The following SOX6 variants were observed in gnomAD, a reference collection of about 807,000 sequenced individuals.
The protein encoded by SOX6 is SRY-box transcription factor 6, also known as transcription factor SOX-6.
In SOX6, 11 loss-of-function variants were observed where a neutral mutation model predicts 97.8. The ratio of observed to expected loss-of-function variants is 0.11; its 90% CI spans 0.07 to 0.19. SOX6 has a LOEUF of 0.19. SOX6 is among the 10% of genes least tolerant of loss of function. SOX6 has a pLI of 1.00. For missense variants in SOX6, 810 were observed against 1,039.5 expected, an observed-to-expected ratio of 0.78 and a Z score of 3.04; for synonymous variants, 360 against 371.4, an observed-to-expected ratio of 0.97 and a Z score of 0.35.
intron 3 of SOX6, chr11:16,314,514 T>A (rs1270351588): frequency 6.6e-6 from 1 of 152,210 alleles, no homozygotes; most frequent in Non-Finnish European, 1.5e-5. Flanking sequence ...GGAATATGAA[T>A]TATTAAAAGT....
At chr11:16,484,703 A>C in intron 4 of SOX6, 1 of 582,232 alleles carries the variant, frequency 1.7e-6, no homozygotes, top group Non-Finnish European at 3.1e-6. Flanking sequence ...CCCACCCAGA[A>C]CCGTGCCTAG....
intron 3 of SOX6, among the ~76,000 whole-genome samples, chr11:16,629,271 C>T (rs1488922706): frequency 2.0e-5 from 3 of 152,238 alleles, no homozygotes; most frequent in East Asian, 3.9e-4. Context: ...TATGTTCCTT[C>T]GATGCCTAGT....
At chr11:16,544,981 AG>A (rs1847600268) in intron 4 of SOX6, among the ~76,000 whole-genome samples, 1 of 152,126 alleles carries the variant, frequency 6.6e-6, no homozygotes, top group Non-Finnish European at 1.5e-5. Flanking sequence ...CTCAGCCTTT[AG>A]GAGGCCAAAG....
rs1853247944 is a variant in SOX6 at position 15,969,678 on chromosome 11, C to A, written c.*3131G>T. Reference sequence around the variant, plus strand: ...TATATCTCACTAAGTATTCATGAACCAAAAATAAATTCTATTTCTATGTTA... The same window carrying A: ...TATATCTCACTAAGTATTCATGAACAAAAAATAAATTCTATTTCTATGTTA... On this transcript the variant is annotated 3_prime_UTR_variant, in exon 16 of 16. Transcript: ENST00000683767. 6.6e-6 allele frequency: 1 copy of A among 151,868 alleles called. No homozygotes were observed. Among genetic ancestry groups the A allele is most frequent in the Admixed American group, 6.6e-5 (1 of 15,242 alleles). 9.4% of individuals were successfully genotyped at this position (151,868 alleles called of 1,614,324 possible).
rs963564903 is a variant in SOX6 at position 16,539,218 on chromosome 11, A to G, written n.610-62830T>C. Among the ~76,000 whole-genome samples the G allele has an allele frequency of 2.0e-5, 3 of 152,254 alleles. No homozygotes were observed. In the East Asian group the frequency reaches 5.8e-4, roughly 29 times the overall value. On this transcript the variant is annotated intron_variant and non_coding_transcript_variant, in intron 4 of 5. Coordinates refer to the SOX6 transcript ENST00000524520. ...TGGAAACTGAACAACTTGTTCCTGA[A>G]TAACTACTGGGTAAATAACGAAGGC...
intron 4 of SOX6, among the ~76,000 whole-genome samples, chr11:16,494,734 T>C (rs1243198575): frequency 2.0e-5 from 3 of 148,652 alleles, no homozygotes; most frequent in Middle Eastern, 3.5e-3. Context: ...AGCTGGGAGG[T>C]TGGAGAGACT....
chr11:16,263,179 G>T (rs1291472589), intron 3 of SOX6, among the ~76,000 whole-genome samples: 2 of 151,806 alleles, frequency 1.3e-5, no homozygotes, highest in Non-Finnish European at 2.9e-5. Flanking sequence ...TAACAATGAT[G>T]GTGATGAACT....
Position 16,421,248 on chromosome 11 carries a change from A to T in SOX6, c.-5+55067T>A, listed in dbSNP as rs374460666. 5.9e-5 allele frequency among the ~76,000 whole-genome samples: 9 copies of T among 152,304 alleles called. 1 individual carries two copies. The South Asian group carries it at 1.9e-3, about 32-fold the overall frequency. ...ATTGTTAAGCAAGATAACATATCTG[A>T]ACTCTCAAAAGATTGAAGACAAACA... On this transcript the variant is annotated intron_variant, in intron 1 of 15. Coordinates refer to the SOX6 transcript ENST00000396356.
intron 9 of SOX6, among the ~76,000 whole-genome samples, chr11:16,057,177 A>C (rs1447645810): frequency 6.6e-6 from 1 of 152,158 alleles, no homozygotes; most frequent in Non-Finnish European, 1.5e-5. Flanking sequence ...CTACAGTATA[A>C]AGGAAAATGA....
chr11:16,342,260 A>T (rs1314785699), intron 1 of SOX6, among the ~76,000 whole-genome samples: 5 of 152,014 alleles, frequency 3.3e-5, no homozygotes, highest in Non-Finnish European at 7.4e-5. Context: ...ATGGTTAGAA[A>T]ATAAAACCAC....
chr11:16,397,041 G>A (rs534497560), intron 1 of SOX6, among the ~76,000 whole-genome samples: 1 of 151,332 alleles, frequency 6.6e-6, no homozygotes, highest in East Asian at 1.9e-4. Context: ...ATCTTTACGT[G>A]AATATTTTAC....
In SOX6 at chr11:16,206,506, A is replaced by C. The variant is rs142056137; in HGVS notation, c.536-19551T>G. On this transcript the variant is annotated intron_variant, in intron 4 of 15. Transcript: ENST00000683767. ...CTTGGGTTCTGGAGTCAGATTCCCC[A>C]GTTTAAAATCTTTGCTATGCCACTT... 9.8e-3 allele frequency among the ~76,000 whole-genome samples: 1,495 copies of C among 152,312 alleles called. 8 individuals carry two copies. Among genetic ancestry groups the C allele is most frequent in the South Asian group, 0.024 (118 of 4,828 alleles).
chr11:16,278,948 T>C (rs1358117971), intron 3 of SOX6, among the ~76,000 whole-genome samples: 2 of 152,100 alleles, frequency 1.3e-5, no homozygotes, highest in East Asian at 1.9e-4. Flanking sequence ...AAATGATGAG[T>C]TGATGCCACA....
intron 3 of SOX6, among the ~76,000 whole-genome samples, chr11:16,624,327 A>G (rs1329100060): frequency 6.6e-6 from 1 of 151,976 alleles, no homozygotes. Flanking sequence ...AGCTGGGACT[A>G]CAAGTGCGTG....
chr11:16,050,587 T>C (rs1468244527), intron 10 of SOX6, among the ~76,000 whole-genome samples: 1 of 152,222 alleles, frequency 6.6e-6, no homozygotes, highest in Non-Finnish European at 1.5e-5. Context: ...CTATGCTATA[T>C]GCAATTTATT....
chr11:16,191,698 A>G (rs1193920573), intron 4 of SOX6, among the ~76,000 whole-genome samples: 3 of 152,150 alleles, frequency 2.0e-5, no homozygotes, highest in Non-Finnish European at 4.4e-5. Context: ...TTCACAAACC[A>G]CAAAAAGGGA....
Position 16,417,545 on chromosome 11 carries a change from A to G in SOX6, c.-5+58770T>C, listed in dbSNP as rs150932939. 2.0e-3 allele frequency among the ~76,000 whole-genome samples: 306 copies of G among 152,330 alleles called. 1 individual carries two copies. Among genetic ancestry groups the G allele is most frequent in the Non-Finnish European group, 3.8e-3 (259 of 68,038 alleles). Reference sequence around the variant, plus strand: ...CCATCTAAAAATAGACAGAGATGCAATAGGATAAGAACCAGAATGCGGCAG... The same window carrying G: ...CCATCTAAAAATAGACAGAGATGCAGTAGGATAAGAACCAGAATGCGGCAG... On this transcript the variant is annotated intron_variant, in intron 1 of 15. Transcript: ENST00000396356.
chr11:16,735,577 T>C (rs1036041201), intron 2 of SOX6, among the ~76,000 whole-genome samples: 6 of 152,226 alleles, frequency 3.9e-5, no homozygotes, highest in Non-Finnish European at 4.4e-5. Flanking sequence ...TTGGGTTATA[T>C]TGGCACAGTG....
chr11:16,363,092 G>A (rs1196789145), intron 1 of SOX6, among the ~76,000 whole-genome samples: 2 of 152,066 alleles, frequency 1.3e-5, no homozygotes, highest in East Asian at 1.9e-4. Flanking sequence ...TAAAATACCT[G>A]CCCTTATATA....
Sources: gnomAD v4.1 joint callset for allele counts (sites outside exome capture counted in the v4.1 genomes callset) on GRCh38, gnomAD v4.1.1 for gene constraint, MANE v1.5 for transcripts, NCBI Gene and HGNC (gene_info 2026-07-23, HGNC 2026-07-21) for gene names.